HSD17B2: variants seen among roughly 807,000 people sequenced by gnomAD.
HSD17B2 encodes the protein hydroxysteroid 17-beta dehydrogenase 2, also known as 17-beta-hydroxysteroid dehydrogenase type 2.
HSD17B2 carries 32 observed loss-of-function variants against 26.9 expected under a neutral mutation model. The ratio of observed to expected loss-of-function variants is 1.19; its 90% CI spans 0.90 to 1.60. HSD17B2 has a LOEUF of 1.60. Ranked by LOEUF, HSD17B2 falls within the 40% of genes most tolerant of loss-of-function variation. HSD17B2 has a pLI of 0.00. For missense variants in HSD17B2, 613 were observed against 468.6 expected, an observed-to-expected ratio of 1.31 and a Z score of -2.85; for synonymous variants, 246 against 186.7, an observed-to-expected ratio of 1.32 and a Z score of -2.59.
At chr16:82,082,176 C>T (rs1904400816) in intron 3 of HSD17B2, among the ~76,000 whole-genome samples, 1 of 152,114 alleles carries the variant, frequency 6.6e-6, no homozygotes, top group Non-Finnish European at 1.5e-5. Flanking sequence ...TGCTCAGTTC[C>T]CTGTGCCCAC....
chr16:82,050,927 C>T (rs1056574253), intron 1 of HSD17B2, among the ~76,000 whole-genome samples: 2 of 152,164 alleles, frequency 1.3e-5, no homozygotes, highest in African/African-American at 2.4e-5. Flanking sequence ...CACTGGATGA[C>T]ACAATAATCT....
At position 82,071,039 on chromosome 16, in the gene HSD17B2, C is replaced by A; in HGVS notation, c.576C>A (p.Asn192Lys). 2 of 1,614,204 alleles carry A rather than the reference C, an allele frequency of 1.2e-6. No individual in the cohort carries two copies. Among genetic ancestry groups the A allele is most frequent in the Non-Finnish European group, 1.7e-6 (2 of 1,180,030 alleles). ...ACTACAAACAATGCATGGCCGTGAA[C>A]TTCTTTGGAACTGTGGAGGTCACAA... Reference protein sequence around the residue: ...MTDYKQCMAVNFFGTVEVTKT... With the variant: ...MTDYKQCMAVKFFGTVEVTKT... Residue 192 changes from asparagine to lysine, a missense_variant, in exon 3 of 5, where the codon AAC becomes AAA. Physicochemically the swap from Asn to Lys is moderately conservative, Grantham distance 94. Coordinates refer to ENST00000199936, the MANE Select transcript of HSD17B2 (RefSeq NM_002153.3).
At position 82,098,462 on chromosome 16, in the gene HSD17B2, G is replaced by A. The variant is rs1318091974; in HGVS notation, c.*26G>A. ...GCAATGGAAGCCCTCAAAGAAGTCG[G>A]AATGTCATAGTCTTGAAATGAAAGG... On this transcript the variant is annotated 3_prime_UTR_variant, in exon 5 of 5. Coordinates refer to ENST00000199936, the MANE Select transcript of HSD17B2 (RefSeq NM_002153.3). The A allele has an allele frequency of 1.3e-6, 2 of 1,559,206 alleles. No individual in the cohort carries two copies. Among genetic ancestry groups the A allele is most frequent in the Non-Finnish European group, 1.7e-6 (2 of 1,156,718 alleles).
At chr16:82,039,282 C>T (rs1282405447) in intron 1 of HSD17B2, among the ~76,000 whole-genome samples, 5 of 151,706 alleles carry the variant, frequency 3.3e-5, no homozygotes, top group African/African-American at 1.2e-4. Flanking sequence ...CGCACAAACA[C>T]ACACACACCC....
chr16:82,073,189 A>G (rs1383686985), intron 3 of HSD17B2, among the ~76,000 whole-genome samples: 1 of 152,188 alleles, frequency 6.6e-6, no homozygotes, highest in Non-Finnish European at 1.5e-5. Flanking sequence ...CTGAATGTTA[A>G]AATAAATAAC....
At chr16:82,045,121 C>CAAA (rs10565056) in intron 1 of HSD17B2, among the ~76,000 whole-genome samples, 15 of 42,518 alleles carry the variant, frequency 3.5e-4, no homozygotes, top group African/African-American at 4.7e-4. Context: ...AAACTCTGTC[C>CAAA]AAAAAAAAAA....
intron 3 of HSD17B2, among the ~76,000 whole-genome samples, chr16:82,082,431 T>C (rs1465624961): frequency 3.9e-5 from 6 of 152,204 alleles, no homozygotes; most frequent in Non-Finnish European, 8.8e-5. Flanking sequence ...TATAACCACA[T>C]TTTAAAAATC....
chr16:82,057,616 G>C lies in HSD17B2; in HGVS notation c.266-10554G>C, dbSNP rs186485807. Among the ~76,000 whole-genome samples the C allele has an allele frequency of 5.3e-5, 8 of 152,294 alleles. 1 individual carries two copies. Among genetic ancestry groups the C allele is most frequent in the Middle Eastern group, 3.4e-3 (1 of 294 alleles). ...AACTGATGAACACCACTTCAACCAG[G>C]TCAACATCTTCCAGGTCAACATCAG... On this transcript the variant is annotated intron_variant, in intron 1 of 4. Transcript: ENST00000199936.
At chr16:82,092,945 T>G (rs1477414938) in intron 4 of HSD17B2, 1 of 152,182 alleles carries the variant, frequency 6.6e-6, no homozygotes, top group Non-Finnish European at 1.5e-5. Context: ...AAATTCCATT[T>G]AGACGAGAGA....
At chr16:82,061,244 TGA>T (rs1216808482) in intron 1 of HSD17B2, among the ~76,000 whole-genome samples, 2 of 148,794 alleles carry the variant, frequency 1.3e-5, no homozygotes, top group African/African-American at 5.0e-5. Context: ...GGTGACAGAG[TGA>T]GACTCTGTCA....
chr16:82,045,435 ATCTCT>A (rs1913896667), intron 1 of HSD17B2, among the ~76,000 whole-genome samples: 1 of 152,254 alleles, frequency 6.6e-6, no homozygotes, highest in Non-Finnish European at 1.5e-5. Context: ...CATGATTGAT[ATCTCT>A]TCTAAGTATT....
intron 3 of HSD17B2, among the ~76,000 whole-genome samples, chr16:82,084,097 G>A (rs1379198899): frequency 1.3e-5 from 2 of 152,088 alleles, no homozygotes; most frequent in African/African-American, 2.4e-5. Context: ...TGTCATTGTG[G>A]CTTAAATCTT....
At chr16:82,042,785 C>T (rs1409955019) in intron 1 of HSD17B2, among the ~76,000 whole-genome samples, 1 of 150,592 alleles carries the variant, frequency 6.6e-6, no homozygotes, top group Non-Finnish European at 1.5e-5. Flanking sequence ...CCATGCTCAG[C>T]TAATTTTGTA....
At chr16:82,054,208 G>GAAAAAAAAAAAAAAAAAA (rs74264895) in intron 1 of HSD17B2, among the ~76,000 whole-genome samples, 1 of 85,702 alleles carries the variant, frequency 1.2e-5, no homozygotes, top group Non-Finnish European at 2.5e-5. Context: ...CCCACATATC[G>GAAAAAAAAAAAAAAAAAA]AAAAAAAAAA....
chr16:82,039,352 G>GGGA (rs1913708577), intron 1 of HSD17B2, among the ~76,000 whole-genome samples: 5 of 134,048 alleles, frequency 3.7e-5, no homozygotes, highest in African/African-American at 1.3e-4. Flanking sequence ...AGAGAGAGAG[G>GGGA]GAGAGAGAGA....
At chr16:82,082,778 G>T (rs1273882973) in intron 3 of HSD17B2, among the ~76,000 whole-genome samples, 2 of 152,176 alleles carry the variant, frequency 1.3e-5, no homozygotes, top group African/African-American at 4.8e-5. Flanking sequence ...GAGTTATTAT[G>T]AAGGATCCAT....
chr16:82,070,030 A>G (rs8191162), intron 2 of HSD17B2, among the ~76,000 whole-genome samples: 18 of 152,184 alleles, frequency 1.2e-4, no homozygotes, highest in Admixed American at 2.6e-4. Context: ...TCCCAAATCT[A>G]TTACTATATT....
chr16:82,087,291 G>A (rs1008445601), intron 3 of HSD17B2, among the ~76,000 whole-genome samples: 13 of 152,128 alleles, frequency 8.5e-5, no homozygotes, highest in African/African-American at 2.9e-4. Flanking sequence ...CACATTAAGT[G>A]TTTTTACCTT....
intron 1 of HSD17B2, among the ~76,000 whole-genome samples, chr16:82,049,578 A>G (rs1317252555): frequency 1.3e-5 from 2 of 152,260 alleles, no homozygotes; most frequent in African/African-American, 4.8e-5. Context: ...AAGAAAGTTC[A>G]CAAGAGAGAT....
Sources: gnomAD v4.1 joint callset for allele counts (sites outside exome capture counted in the v4.1 genomes callset) on GRCh38, gnomAD v4.1.1 for gene constraint, MANE v1.5 for transcripts, NCBI Gene and HGNC (gene_info 2026-07-23, HGNC 2026-07-21) for gene names.